Variants in TNFAIP8 observed in about 807,000 individuals in gnomAD.
TNFAIP8 encodes TNF alpha induced protein 8, also known as tumor necrosis factor alpha-induced protein 8.
TNFAIP8 carries 7 observed loss-of-function variants against 13.3 expected under a neutral mutation model. That is an observed-to-expected ratio of 0.52 (90% CI 0.30 to 0.99). The LOEUF (loss-of-function observed/expected upper bound fraction) is 0.99. Among genes scored for constraint, TNFAIP8 ranks in the 50% least tolerant of loss-of-function variants. The probability of loss-of-function intolerance (pLI) is 0.07; values close to 1 mark genes in which losing one functional copy is unlikely to be tolerated. For synonymous variants in TNFAIP8, 94 were observed against 87.6 expected (o/e 1.07, Z -0.41); for missense variants, 258 against 236.9 (o/e 1.09, Z -0.58).
At position 119,333,152 on chromosome 5, in the gene TNFAIP8, C is replaced by T. The variant is rs182993673; in HGVS notation, c.2-59664C>T. 7,258 of 919,470 alleles carry T rather than the reference C, an allele frequency of 7.9e-3. 32 individuals carry two copies. The highest frequency in any genetic ancestry group is 8.5e-3 in the Non-Finnish European group (6,551 of 774,224). 57.0% of individuals were successfully genotyped at this position (919,470 alleles called of 1,614,324 possible). A position where few individuals can be genotyped will look rare whatever the true frequency, so the allele number is the denominator to read the frequency against. On this transcript the variant is annotated intron_variant, in intron 1 of 1. Transcript: ENST00000274456. ...GTTTCTATTTTCTAGCATGTTGAAA[C>T]GTTAGACTTCCTGTTTCTGCTTGAT...
chr5:119,310,749 C>G lies in TNFAIP8; in HGVS notation c.1+41842C>G, dbSNP rs140044709. ...GGCTGAGGCGGGAGAATTGCTTGAA[C>G]TGGGGAGGCGGAGGTTACAGTGAGT... On this transcript the variant is annotated intron_variant, in intron 1 of 1. Coordinates refer to the TNFAIP8 transcript ENST00000274456. Among the ~76,000 whole-genome samples the G allele has an allele frequency of 8.9e-3, 1,351 of 152,222 alleles. 28 individuals carry two copies. Among genetic ancestry groups the G allele is most frequent in the African/African-American group, 0.031 (1,280 of 41,524 alleles).
intron 1 of TNFAIP8, among the ~76,000 whole-genome samples, chr5:119,384,029 A>G (rs957301340): frequency 6.6e-6 from 1 of 152,230 alleles, no homozygotes; most frequent in Non-Finnish European, 1.5e-5. Flanking sequence ...CTCATGTATT[A>G]TAGTGTAACA....
At chr5:119,390,669 G>T (rs949162029) in intron 1 of TNFAIP8, among the ~76,000 whole-genome samples, 4 of 152,082 alleles carry the variant, frequency 2.6e-5, no homozygotes, top group Non-Finnish European at 5.9e-5. Context: ...ATTCAATCAA[G>T]ACATTCTTTG....
At chr5:119,273,693 T>G (rs1748357171) in intron 1 of TNFAIP8, among the ~76,000 whole-genome samples, 1 of 152,174 alleles carries the variant, frequency 6.6e-6, no homozygotes, top group South Asian at 2.1e-4. Flanking sequence ...TGAAACCAGA[T>G]TATTTAAGAC....
chr5:119,370,818 G>A (rs967808503), intron 1 of TNFAIP8, among the ~76,000 whole-genome samples: 2 of 152,194 alleles, frequency 1.3e-5, no homozygotes, highest in Admixed American at 6.5e-5. Context: ...TGCCTAACCC[G>A]TTGATACTTT....
At chr5:119,270,496 A>AAGTGATCCTCCTGCCTCAGCCTCC (rs1166411360) in intron 1 of TNFAIP8, among the ~76,000 whole-genome samples, 5 of 152,236 alleles carry the variant, frequency 3.3e-5, no homozygotes, top group African/African-American at 1.2e-4. Context: ...TCCTGGGCTC[A>AAGTGATCCTCCTGCCTCAGCCTCC]AGTGATCCTC....
intron 1 of TNFAIP8, among the ~76,000 whole-genome samples, chr5:119,387,542 TC>T (rs768398134): frequency 2.0e-4 from 31 of 152,216 alleles, no homozygotes; most frequent in Admixed American, 1.0e-3. Flanking sequence ...TAGAAAATTC[TC>T]AGTGGGAGTA....
intron 1 of TNFAIP8, among the ~76,000 whole-genome samples, chr5:119,301,437 T>C (rs1749389622): frequency 6.6e-6 from 1 of 152,236 alleles, no homozygotes; most frequent in Admixed American, 6.5e-5. Context: ...ATGGGAAGCC[T>C]TCTCCAGTCC....
rs115898519 is a variant in TNFAIP8 at position 119,274,563 on chromosome 5, A to G, written c.1+5656A>G. ...ACATCCGGTGATGACCTCTGTTTGC[A>G]CACACGTAGCCACTTTGCTCCTTTG... On this transcript the variant is annotated intron_variant, in intron 1 of 1. Transcript: ENST00000274456. 6.7e-3 allele frequency among the ~76,000 whole-genome samples: 1,019 copies of G among 152,320 alleles called. 12 individuals are homozygous for G. Among genetic ancestry groups the G allele is most frequent in the African/African-American group, 0.023 (952 of 41,558 alleles).
At chr5:119,362,339 T>C (rs1481529698) in intron 1 of TNFAIP8, among the ~76,000 whole-genome samples, 1 of 152,158 alleles carries the variant, frequency 6.6e-6, no homozygotes, top group Non-Finnish European at 1.5e-5. Flanking sequence ...TAGTGGTACA[T>C]GGGGCCAGTC....
chr5:119,335,191 T>G (rs1316456819), intron 1 of TNFAIP8, among the ~76,000 whole-genome samples: 1 of 152,170 alleles, frequency 6.6e-6, no homozygotes, highest in African/African-American at 2.4e-5. Flanking sequence ...GAATTGCCTG[T>G]GGGAGCATCA....
intron 1 of TNFAIP8, among the ~76,000 whole-genome samples, chr5:119,304,536 ACCATAGG>A (rs1749494278): frequency 6.6e-6 from 1 of 152,142 alleles, no homozygotes; most frequent in Admixed American, 6.5e-5. Flanking sequence ...CCATGCACAC[ACCATAGG>A]CAAAGTCCTT....
chr5:119,344,676 A>T (rs1160447164), intron 1 of TNFAIP8, among the ~76,000 whole-genome samples: 1 of 152,200 alleles, frequency 6.6e-6, no homozygotes, highest in Non-Finnish European at 1.5e-5. Flanking sequence ...GGCAACGCTA[A>T]CTAGAGATGA....
At chr5:119,361,768 A>G (rs1476405463) in intron 1 of TNFAIP8, among the ~76,000 whole-genome samples, 1 of 152,202 alleles carries the variant, frequency 6.6e-6, no homozygotes, top group Non-Finnish European at 1.5e-5. Flanking sequence ...CATGTGGCCT[A>G]CGCAGCCAGG....
At chr5:119,326,343 G>A (rs1750225380) in intron 1 of TNFAIP8, among the ~76,000 whole-genome samples, 1 of 152,194 alleles carries the variant, frequency 6.6e-6, no homozygotes. Flanking sequence ...TGGCTACAGT[G>A]TCATGAAAGG....
intron 1 of TNFAIP8, among the ~76,000 whole-genome samples, chr5:119,275,416 C>T (rs1423627388): frequency 6.6e-6 from 1 of 152,270 alleles, no homozygotes; most frequent in Middle Eastern, 3.4e-3. Flanking sequence ...AGATACTGAA[C>T]TGGGATGGGC....
rs1201826274 is a variant in TNFAIP8, at chr5:119,393,276, T to C, written c.492T>C (p.Asp164=). ...RVNNVFDHFS[D]CEFLAALYNP... ...ATAATGTGTTTGATCATTTTTCAGATTGTGAATTTTTGGCTGCCTTGTATA... is the reference window on the plus strand; with the variant it reads ...ATAATGTGTTTGATCATTTTTCAGACTGTGAATTTTTGGCTGCCTTGTATA... The change falls in exon 2 of 2, where the codon GAT becomes GAC. Residue 164 remains aspartate (D), a synonymous_variant. Coordinates refer to ENST00000504771, the MANE Select transcript of TNFAIP8 (RefSeq NM_014350.4). The C allele has an allele frequency of 6.2e-7, 1 of 1,614,016 alleles. No homozygotes were observed. The highest frequency in any genetic ancestry group is 1.7e-5 in the Admixed American group (1 of 60,026).
At chr5:119,301,989 A>G (rs1003869801) in intron 1 of TNFAIP8, among the ~76,000 whole-genome samples, 5 of 152,260 alleles carry the variant, frequency 3.3e-5, no homozygotes, top group Admixed American at 2.0e-4. Context: ...ATCTTCAGGA[A>G]TGAAGGTACC....
chr5:119,305,323 A>G (rs1749517821), intron 1 of TNFAIP8, among the ~76,000 whole-genome samples: 1 of 152,202 alleles, frequency 6.6e-6, no homozygotes, highest in Admixed American at 6.5e-5. Context: ...CAAGGAGGAG[A>G]TGAAATTTCC....
Sources: gnomAD v4.1 joint callset for allele counts (sites outside exome capture counted in the v4.1 genomes callset) on GRCh38, gnomAD v4.1.1 for gene constraint, MANE v1.5 for transcripts, NCBI Gene and HGNC (gene_info 2026-07-23, HGNC 2026-07-21) for gene names.